Variants in PCDHGA4 observed in about 807,000 individuals in gnomAD.
The protein encoded by PCDHGA4 is protocadherin gamma subfamily A, 4, also known as protocadherin gamma-A4.
In PCDHGA4, 38 loss-of-function variants were observed where a neutral mutation model predicts 54.6. The observed-to-expected ratio is 0.70, with a 90% confidence interval of 0.54 to 0.91. PCDHGA4 has a LOEUF of 0.91. Among genes scored for constraint, PCDHGA4 ranks in the 40% least tolerant of loss-of-function variants. PCDHGA4 has a pLI of 0.00. For missense variants in PCDHGA4, 1,298 were observed against 1,220.9 expected, an observed-to-expected ratio of 1.06 and a Z score of -0.94; for synonymous variants, 511 against 512.9, an observed-to-expected ratio of 1.00 and a Z score of 0.05.
chr5:141,495,041 G>A, intron 2 of PCDHGA4, 176 bp downstream of exon 2: 1 of 942,350 alleles, frequency 1.1e-6, no homozygotes, highest in Non-Finnish European at 1.3e-6. Flanking sequence ...AGGAAGAGGC[G>A]ACTGCCCTGA....
chr5:141,413,012 A>G (rs937468289), intron 1 of PCDHGA4: 10 of 657,718 alleles, frequency 1.5e-5, no homozygotes, highest in Middle Eastern at 4.2e-4. Flanking sequence ...GGCTTCAACT[A>G]CACAAGCCCC....
chr5:141,491,110 C>T lies in PCDHGA4; in HGVS notation c.2515-3697C>T. On this transcript the variant is annotated intron_variant, in intron 1 of 3. Transcript: ENST00000571252. This position sits in a 1 kb window ranked among gnomAD's most constrained non-coding sequence, Gnocchi z 6.9. ...CCCAGGACTGTTCCTCGTGTCTACA[C>T]ACACTGGTGAGGTGCGCACAGCCCG... 3.7e-6 allele frequency: 6 copies of T among 1,614,212 alleles called. No individual in the cohort carries two copies. Among genetic ancestry groups the T allele is most frequent in the Non-Finnish European group, 5.1e-6 (6 of 1,180,024 alleles).
chr5:141,490,978 C>T lies in PCDHGA4; in HGVS notation c.2515-3829C>T. 6.2e-7 allele frequency: 1 copy of T among 1,614,100 alleles called. No individual in the cohort carries two copies. Among genetic ancestry groups the T allele is most frequent in the Non-Finnish European group, 8.5e-7 (1 of 1,180,034 alleles). ...GGAACACTCAGCCCCCCAGCGTCTC[C>T]CTCGCTCTGCTCCTCCTGGCTCCTT... is the stretch of plus-strand genomic sequence containing the variant. On this transcript the variant is annotated intron_variant, in intron 1 of 3. Coordinates refer to ENST00000571252, the MANE Select transcript of PCDHGA4 (RefSeq NM_018917.4). The surrounding 1 kb of genome is among the most constrained non-coding windows in gnomAD (Gnocchi z 5.4).
At position 141,500,368 on chromosome 5, in the gene PCDHGA4, C is replaced by T. The variant is rs181410708; in HGVS notation, c.2574-5025C>T. Among the ~76,000 whole-genome samples, 364 of 152,050 alleles carry T rather than the reference C, an allele frequency of 2.4e-3. 3 individuals carry two copies. The highest frequency in any genetic ancestry group is 9.2e-3 in the Admixed American group (140 of 15,274). ...GGACTACAGGCGCCCACTACCACGCCCGGCTAATTATTTTGTATTTTTAGT... is the reference window on the plus strand; with the variant it reads ...GGACTACAGGCGCCCACTACCACGCTCGGCTAATTATTTTGTATTTTTAGT... On this transcript the variant is annotated intron_variant, in intron 2 of 3. Transcript: ENST00000571252.
At chr5:141,380,946 C>A (rs555019785) in intron 1 of PCDHGA4, among the ~76,000 whole-genome samples, 2 of 152,328 alleles carry the variant, frequency 1.3e-5, no homozygotes, top group East Asian at 3.8e-4. Flanking sequence ...CTTGCCTCAA[C>A]AAGAAGTTCA....
Position 141,365,799 on chromosome 5 carries a change from C to T in PCDHGA4, c.2514+8178C>T, listed in dbSNP as rs755374983. 8 of 1,613,942 alleles carry T rather than the reference C, an allele frequency of 5.0e-6. No individual in the cohort carries two copies. The Admixed American group carries it at 6.7e-5, about 13-fold the overall frequency. ...GGCGACAACGCTCGAGTCACCTACT[C>T]CCTGGCTGAAGACACATTTCAGGGG... On this transcript the variant is annotated intron_variant, in intron 1 of 3. Transcript: ENST00000571252.
chr5:141,456,576 A>C (rs1383992335), intron 1 of PCDHGA4, among the ~76,000 whole-genome samples: 2 of 152,188 alleles, frequency 1.3e-5, no homozygotes, highest in African/African-American at 4.8e-5. Context: ...ATTTTCCCTG[A>C]GCCTGTCAAT....
chr5:141,407,009 T>C (rs1388688972), intron 1 of PCDHGA4, among the ~76,000 whole-genome samples: 1 of 152,198 alleles, frequency 6.6e-6, no homozygotes, highest in Non-Finnish European at 1.5e-5. Flanking sequence ...AGCTTTGAAG[T>C]TGACTCAAAA....
At chr5:141,383,331 G>A (rs1374498220) in intron 1 of PCDHGA4, 1 of 1,613,874 alleles carries the variant, frequency 6.2e-7, no homozygotes, top group East Asian at 2.2e-5. Flanking sequence ...AAATAATGGA[G>A]AATACAGCTC....
intron 1 of PCDHGA4, chr5:141,384,406 TC>T: frequency 6.2e-7 from 1 of 1,613,908 alleles, no homozygotes; most frequent in Non-Finnish European, 8.5e-7. Flanking sequence ...TCCAGTGTCC[TC>T]CTATGTCTCC....
chr5:141,394,534 G>T (rs751746485), intron 1 of PCDHGA4: 2 of 1,614,074 alleles, frequency 1.2e-6, no homozygotes, highest in Non-Finnish European at 1.7e-6. Flanking sequence ...GGTTCCACTG[G>T]CGTGGAGCTG....
intron 1 of PCDHGA4, among the ~76,000 whole-genome samples, chr5:141,435,953 G>A (rs2097789156): frequency 6.6e-6 from 1 of 151,984 alleles, no homozygotes; most frequent in Non-Finnish European, 1.5e-5. Context: ...CAAAAAAGGG[G>A]GCAAAATATA....
intron 1 of PCDHGA4, chr5:141,415,385 C>T (rs1388093443): frequency 3.7e-6 from 6 of 1,614,228 alleles, no homozygotes; most frequent in Non-Finnish European, 5.1e-6. Flanking sequence ...GGCGGCTTGA[C>T]AGGTGTGTCC....
At chr5:141,370,972 A>G in intron 1 of PCDHGA4, 1 of 1,614,000 alleles carries the variant, frequency 6.2e-7, no homozygotes, top group Non-Finnish European at 8.5e-7. Context: ...AGGTACCCAG[A>G]GCTAGTACTG....
chr5:141,460,333 G>A (rs2098986532), intron 1 of PCDHGA4, among the ~76,000 whole-genome samples: 1 of 152,056 alleles, frequency 6.6e-6, no homozygotes, highest in African/African-American at 2.4e-5. Context: ...AACTTATGAT[G>A]ATTTTCTCCT....
chr5:141,491,898 G>A lies in PCDHGA4; in HGVS notation c.2515-2909G>A, dbSNP rs772673872. 1.6e-5 allele frequency: 23 copies of A among 1,428,816 alleles called. No homozygotes were observed. The highest frequency in any genetic ancestry group is 3.0e-5 in the South Asian group (2 of 66,966). The allele number at this position is 1,428,816 out of a possible 1,614,324, so 88.5% of individuals were successfully genotyped here. A position where few individuals can be genotyped will look rare whatever the true frequency, so the allele number is the denominator to read the frequency against. ...ATTAAGGGATGGGGCTCCGAGCACC[G>A]GGGGTGGTGGCGACTGTGGGCGAGG... On this transcript the variant is annotated intron_variant, in intron 1 of 3. Coordinates refer to ENST00000571252, the MANE Select transcript of PCDHGA4 (RefSeq NM_018917.4). This position sits in a 1 kb window ranked among gnomAD's most constrained non-coding sequence, Gnocchi z 6.9.
intron 1 of PCDHGA4, chr5:141,410,087 G>C (rs1427716409): frequency 6.2e-7 from 1 of 1,612,364 alleles, no homozygotes; most frequent in Admixed American, 1.7e-5. Context: ...GGTGCGCACG[G>C]CTCGAGCCTT....
At chr5:141,368,562 A>T (rs1765727979) in intron 1 of PCDHGA4, among the ~76,000 whole-genome samples, 1 of 152,144 alleles carries the variant, frequency 6.6e-6, no homozygotes, top group African/African-American at 2.4e-5. Flanking sequence ...AGAAAATGTT[A>T]TATGCTTCTT....
intron 1 of PCDHGA4, chr5:141,426,664 A>G (rs886265350): frequency 2.3e-6 from 1 of 429,248 alleles, no homozygotes; most frequent in Admixed American, 2.5e-5. Flanking sequence ...GATATAAATG[A>G]TAACCCACCT....
Sources: gnomAD v4.1 joint callset for allele counts (sites outside exome capture counted in the v4.1 genomes callset) on GRCh38, gnomAD v4.1.1 for gene constraint, Gnocchi (gnomAD v3.1) non-coding constraint, MANE v1.5 for transcripts, NCBI Gene and HGNC (gene_info 2026-07-23, HGNC 2026-07-21) for gene names.